The following ASPH variants were observed in gnomAD, a reference collection of about 807,000 sequenced individuals.
ASPH encodes the protein aspartyl/asparaginyl beta-hydroxylase.
A neutral mutation model predicts 118.4 loss-of-function variants in ASPH; 100 were observed. The observed-to-expected ratio is 0.84, with a 90% CI of 0.72 to 1.00. ASPH has a LOEUF of 1.00. ASPH is among the 50% of genes least tolerant of loss of function. The pLI is 0.00. For missense variants in ASPH, 920 were observed against 919.5 expected, an observed-to-expected ratio of 1.00 and a Z score of -0.01; for synonymous variants, 315 against 325.6, an observed-to-expected ratio of 0.97 and a Z score of 0.35.
intron 3 of ASPH, chr8:61,665,267 T>A (rs141279640): frequency 1.9e-6 from 3 of 1,593,010 alleles, no homozygotes; most frequent in Non-Finnish European, 2.6e-6. Flanking sequence ...GTTTCTTTTC[T>A]GGGTATTTCC....
intron 14 of ASPH, among the ~76,000 whole-genome samples, chr8:61,617,154 A>C (rs1849318502): frequency 6.6e-6 from 1 of 152,186 alleles, no homozygotes; most frequent in Admixed American, 6.5e-5. Context: ...TGGCATACAG[A>C]GGCATTTAAA....
intron 17 of ASPH, among the ~76,000 whole-genome samples, chr8:61,566,758 C>T (rs1409196691): frequency 1.3e-5 from 2 of 152,218 alleles, no homozygotes; most frequent in Non-Finnish European, 2.9e-5. Flanking sequence ...AGGATTACAA[C>T]TCACTGAAGG....
chr8:61,708,118 C>T (rs992732938), intron 1 of ASPH, among the ~76,000 whole-genome samples: 18 of 152,240 alleles, frequency 1.2e-4, no homozygotes, highest in Admixed American at 5.9e-4. Flanking sequence ...TTCATTTCTT[C>T]GCCTATATGG....
intron 16 of ASPH, among the ~76,000 whole-genome samples, chr8:61,572,661 C>T (rs1339134388): frequency 6.6e-6 from 1 of 152,194 alleles, no homozygotes; most frequent in Admixed American, 6.5e-5. Flanking sequence ...ATCTCCATGG[C>T]CGTGAACGCA....
chr8:61,660,255 G>A (rs1304269824), intron 3 of ASPH: 1 of 151,920 alleles, frequency 6.6e-6, no homozygotes, highest in African/African-American at 2.4e-5. Flanking sequence ...ACCTATTTTG[G>A]CCCATCCCAT....
At chr8:61,582,941 T>C (rs890879989) in intron 15 of ASPH, 2 of 152,186 alleles carry the variant, frequency 1.3e-5, no homozygotes, top group Non-Finnish European at 2.9e-5. Flanking sequence ...TTATAATAAA[T>C]ATTTTTGCAC....
chr8:61,562,692 C>A, intron 18 of ASPH, 52 bp downstream of exon 18: 1 of 1,452,062 alleles, frequency 6.9e-7, no homozygotes, highest in Non-Finnish European at 9.1e-7. Flanking sequence ...ATGTAATTTG[C>A]AAATAGCCTT....
intron 1 of ASPH, among the ~76,000 whole-genome samples, chr8:61,705,219 G>A (rs1261396350): frequency 3.3e-5 from 5 of 152,078 alleles, no homozygotes; most frequent in Non-Finnish European, 7.4e-5. Context: ...ACAAAGAAGG[G>A]AACAACAGAC....
intron 3 of ASPH, among the ~76,000 whole-genome samples, chr8:61,674,379 CTT>C (rs1824180770): frequency 6.6e-6 from 1 of 152,212 alleles, no homozygotes; most frequent in South Asian, 2.1e-4. Flanking sequence ...TAAGTGACAG[CTT>C]AACTGAAGTC....
At chr8:61,634,202 T>C (rs1411624555) in intron 12 of ASPH, among the ~76,000 whole-genome samples, 2 of 152,212 alleles carry the variant, frequency 1.3e-5, no homozygotes, top group Non-Finnish European at 2.9e-5. Flanking sequence ...CCTGTCTTTT[T>C]CCTTGGTTGC....
At position 61,562,973 on chromosome 8, in the gene ASPH, G is replaced by A. The variant is rs559797281; in HGVS notation, c.1301-93C>T. ...GTAAGTCATGAGAGACTATTCACCAGAGCCTGAGAACCAGCTCAAATCTGG... is the reference window on the plus strand; with the variant it reads ...GTAAGTCATGAGAGACTATTCACCAAAGCCTGAGAACCAGCTCAAATCTGG... On this transcript the variant is annotated intron_variant, in intron 17 of 24. Coordinates refer to ENST00000379454, the MANE Select transcript of ASPH (RefSeq NM_004318.4). The A allele has an allele frequency of 3.4e-5, 43 of 1,278,090 alleles. 1 individual carries two copies. The South Asian group carries it at 7.9e-4, about 24-fold the overall frequency. 79.2% of individuals were successfully genotyped at this position (1,278,090 alleles called of 1,614,324 possible).
At chr8:61,705,259 G>A (rs1421383489) in intron 1 of ASPH, among the ~76,000 whole-genome samples, 1 of 152,120 alleles carries the variant, frequency 6.6e-6, no homozygotes, top group Non-Finnish European at 1.5e-5. Context: ...TGGAGGGTGG[G>A]AGGAAGGTGC....
At chr8:61,684,237 A>C in intron 1 of ASPH, 49 bp from the exon 2 acceptor site, 1 of 1,542,608 alleles carries the variant, frequency 6.5e-7, no homozygotes, top group Non-Finnish European at 8.8e-7. Context: ...CATTTTACTG[A>C]ACACTTATTC....
chr8:61,529,786 G>T (rs949263173), intron 21 of ASPH, among the ~76,000 whole-genome samples: 1 of 152,158 alleles, frequency 6.6e-6, no homozygotes, highest in Non-Finnish European at 1.5e-5. Context: ...TCTGGTGAGG[G>T]CCACTTTCTG....
chr8:61,679,953 A>AC (rs990250110), intron 3 of ASPH, among the ~76,000 whole-genome samples: 18 of 149,928 alleles, frequency 1.2e-4, no homozygotes, highest in African/African-American at 4.1e-4. Context: ...AAAAAAAAAA[A>AC]AAAAACAAAA....
At chr8:61,569,666 T>G (rs928661879) in intron 16 of ASPH, among the ~76,000 whole-genome samples, 3 of 152,042 alleles carry the variant, frequency 2.0e-5, no homozygotes, top group Middle Eastern at 3.2e-3. Context: ...GAACTAGAAT[T>G]AAAGTGATGG....
chr8:61,524,018 C>T (rs901277826), intron 22 of ASPH, among the ~76,000 whole-genome samples: 1 of 152,142 alleles, frequency 6.6e-6, no homozygotes, highest in African/African-American at 2.4e-5. Context: ...GGAGTTGGAG[C>T]TGTAATGAGC....
At chr8:61,540,170 A>C (rs192523453) in intron 21 of ASPH, among the ~76,000 whole-genome samples, 1 of 152,150 alleles carries the variant, frequency 6.6e-6, no homozygotes, top group African/African-American at 2.4e-5. Context: ...TAGAGCTGCC[A>C]AATTATATTT....
intron 13 of ASPH, chr8:61,625,693 A>C (rs1564063416): frequency 8.1e-6 from 8 of 984,976 alleles, no homozygotes; most frequent in Non-Finnish European, 9.6e-6. Flanking sequence ...CAAAAGTGTT[A>C]ATCTGAACAC....
Sources: gnomAD v4.1 joint callset for allele counts (sites outside exome capture counted in the v4.1 genomes callset) on GRCh38, gnomAD v4.1.1 for gene constraint, MANE v1.5 for transcripts, NCBI Gene and HGNC (gene_info 2026-07-23, HGNC 2026-07-21) for gene names.